SYT1: variants seen among roughly 807,000 people sequenced by gnomAD.
SYT1 encodes synaptotagmin 1, also known as synaptotagmin-1.
A neutral mutation model predicts 44.8 loss-of-function variants in SYT1; 8 were observed. That is an observed-to-expected ratio of 0.18 (90% CI 0.10 to 0.32). SYT1 has a LOEUF of 0.32. Among genes scored for constraint, SYT1 ranks in the 10% least tolerant of loss-of-function variants. SYT1 has a pLI of 1.00. For missense variants in SYT1, 286 were observed against 509.3 expected (o/e 0.56, Z 4.22); for synonymous variants, 154 against 188.8 (o/e 0.82, Z 1.51).
At chr12:79,074,871 T>G (rs1876532633) in intron 3 of SYT1, among the ~76,000 whole-genome samples, 1 of 152,152 alleles carries the variant, frequency 6.6e-6, no homozygotes, top group Non-Finnish European at 1.5e-5. Context: ...AGGGATAAGG[T>G]AAGTTCTGCC....
chr12:79,307,507 C>A (rs1362485439), intron 8 of SYT1, among the ~76,000 whole-genome samples: 2 of 151,868 alleles, frequency 1.3e-5, no homozygotes, highest in Non-Finnish European at 2.9e-5. Flanking sequence ...TCCGAGCTGG[C>A]GGGGCTGAGG....
At chr12:78,885,945 A>C (rs1455016368) in intron 1 of SYT1, among the ~76,000 whole-genome samples, 2 of 151,962 alleles carry the variant, frequency 1.3e-5, no homozygotes, top group Non-Finnish European at 2.9e-5. Flanking sequence ...TGTATTTCCT[A>C]GATTTTGTGA....
intron 2 of SYT1, among the ~76,000 whole-genome samples, chr12:78,989,484 C>A (rs1027361766): frequency 2.0e-5 from 3 of 152,096 alleles, no homozygotes; most frequent in African/African-American, 4.8e-5. Flanking sequence ...CTAGCCCCCC[C>A]GTTCCCAGAC....
chr12:79,331,175 C>A (rs1005034789), intron 8 of SYT1, among the ~76,000 whole-genome samples: 1 of 152,142 alleles, frequency 6.6e-6, no homozygotes, highest in African/African-American at 2.4e-5. Flanking sequence ...CACCTATAAG[C>A]GACATCATTG....
chr12:79,157,563 T>C (rs1265017099), intron 3 of SYT1, among the ~76,000 whole-genome samples: 6 of 152,174 alleles, frequency 3.9e-5, no homozygotes, highest in Admixed American at 1.3e-4. Flanking sequence ...AATATGTGCT[T>C]CCATTCCATG....
intron 8 of SYT1, among the ~76,000 whole-genome samples, chr12:79,345,571 T>G (rs1565918196): frequency 6.6e-6 from 1 of 152,232 alleles, no homozygotes; most frequent in Non-Finnish European, 1.5e-5. Flanking sequence ...CTGAACAATT[T>G]ACTATACATT....
chr12:79,367,335 T>G (rs1404276677), intron 9 of SYT1, among the ~76,000 whole-genome samples: 1 of 152,160 alleles, frequency 6.6e-6, no homozygotes, highest in Non-Finnish European at 1.5e-5. Flanking sequence ...AACCTGCTGT[T>G]GCAATGTTAA....
At chr12:79,192,485 G>T (rs1873190044) in intron 3 of SYT1, among the ~76,000 whole-genome samples, 3 of 152,112 alleles carry the variant, frequency 2.0e-5, no homozygotes. Flanking sequence ...TCATTACTCG[G>T]GGAATACTGA....
intron 3 of SYT1, among the ~76,000 whole-genome samples, chr12:79,125,315 GA>G (rs1239403178): frequency 3.3e-5 from 5 of 151,958 alleles, no homozygotes; most frequent in African/African-American, 4.8e-5. Flanking sequence ...TGTAAAGAAA[GA>G]AAAATGTTCA....
At chr12:78,979,465 A>G (rs1248072671) in intron 2 of SYT1, among the ~76,000 whole-genome samples, 2 of 152,118 alleles carry the variant, frequency 1.3e-5, no homozygotes, top group African/African-American at 4.8e-5. Flanking sequence ...TAAAATATAC[A>G]TATTAGGTGA....
intron 8 of SYT1, among the ~76,000 whole-genome samples, chr12:79,328,771 G>T (rs781211485): frequency 6.6e-6 from 1 of 151,810 alleles, no homozygotes; most frequent in South Asian, 2.1e-4. Flanking sequence ...GCCTGAACCC[G>T]GGAGGCAGAG....
intron 1 of SYT1, among the ~76,000 whole-genome samples, chr12:78,878,092 C>G (rs1241692030): frequency 6.6e-6 from 1 of 151,738 alleles, no homozygotes; most frequent in Non-Finnish European, 1.5e-5. Context: ...CAGCTAATAG[C>G]TCTTAAGCTT....
intron 3 of SYT1, among the ~76,000 whole-genome samples, chr12:79,069,890 G>A (rs1471356469): frequency 6.6e-6 from 1 of 151,964 alleles, no homozygotes; most frequent in Non-Finnish European, 1.5e-5. Flanking sequence ...AAATTGAATA[G>A]AATAGAATTA....
Position 79,451,520 on chromosome 12 carries a change from T to C in SYT1, c.*2396T>C, listed in dbSNP as rs1320863254. 2 of 152,234 alleles carry C rather than the reference T, an allele frequency of 1.3e-5. No individual in the cohort carries two copies. The highest frequency in any genetic ancestry group is 1.3e-4 in the Admixed American group (2 of 15,284). The allele number at this position is 152,234 out of a possible 1,614,324, so 9.4% of individuals were successfully genotyped here. ...GGTTCAAGCTGCTGAATAGACATTA[T>C]TTCTTGCATTAAAATACCACTAATG... On this transcript the variant is annotated 3_prime_UTR_variant, in exon 11 of 11. Transcript: ENST00000261205.
chr12:79,312,055 A>T (rs1299964359), intron 8 of SYT1, among the ~76,000 whole-genome samples: 1 of 151,880 alleles, frequency 6.6e-6, no homozygotes, highest in African/African-American at 2.4e-5. Context: ...TTAATTAATT[A>T]ATTTTTAAAA....
chr12:79,294,894 A>C (rs781076169), intron 6 of SYT1, among the ~76,000 whole-genome samples: 6,665 of 151,554 alleles, frequency 0.044, 164 homozygotes, highest in African/African-American at 0.054. Flanking sequence ...ATTCCACAAA[A>C]AAAAAAAAAG....
chr12:79,028,136 T>G (rs539244567), intron 2 of SYT1, among the ~76,000 whole-genome samples: 2 of 151,590 alleles, frequency 1.3e-5, no homozygotes, highest in East Asian at 3.9e-4. Context: ...TCAAAGGTAT[T>G]TCTATGGTGA....
intron 5 of SYT1, among the ~76,000 whole-genome samples, chr12:79,290,853 G>C (rs530774909): frequency 1.3e-5 from 2 of 152,238 alleles, no homozygotes; most frequent in East Asian, 3.9e-4. Flanking sequence ...GATATGTACA[G>C]GCAGTCCCCA....
In SYT1 at chr12:79,340,893, A is replaced by G. The variant is rs73352989; in HGVS notation, c.811-12609A>G. ...AATTCACTTTTCCCTACTCTCCACT[A>G]AAAAGTCACAGTAGTAATTATTTAC... On this transcript the variant is annotated intron_variant, in intron 8 of 10. Coordinates refer to ENST00000261205, the MANE Select transcript of SYT1 (RefSeq NM_005639.3). Among the ~76,000 whole-genome samples the G allele has an allele frequency of 9.0e-3, 1,375 of 152,310 alleles. 18 individuals are homozygous for G. The highest frequency in any genetic ancestry group is 0.031 in the African/African-American group (1,293 of 41,566).
Sources: gnomAD v4.1 joint callset for allele counts (sites outside exome capture counted in the v4.1 genomes callset) on GRCh38, gnomAD v4.1.1 for gene constraint, MANE v1.5 for transcripts, NCBI Gene and HGNC (gene_info 2026-07-23, HGNC 2026-07-21) for gene names.